Variants in VPS13B observed in about 807,000 individuals in gnomAD.
VPS13B encodes vacuolar protein sorting 13 homolog B.
A neutral mutation model predicts 426.4 loss-of-function variants in VPS13B; 285 were observed. The observed-to-expected ratio is 0.67, with a 90% confidence interval of 0.61 to 0.74. The LOEUF (loss-of-function observed/expected upper bound fraction) is 0.74, where lower values mean the gene tolerates loss of function less well. Among genes scored for constraint, VPS13B ranks in the 30% least tolerant of loss-of-function variants. VPS13B has a pLI of 0.00. For synonymous variants in VPS13B, 1,676 were observed against 1,676.4 expected (o/e 1.00, Z 0.01); for missense variants, 4,537 against 4,782.6 (o/e 0.95, Z 1.51).
chr8:99,574,399 TC>T (rs1439156842), intron 31 of VPS13B, among the ~76,000 whole-genome samples: 1 of 152,164 alleles, frequency 6.6e-6, no homozygotes, highest in African/African-American at 2.4e-5. Context: ...AGGGAATGCT[TC>T]CAGTTTTTGC....
intron 30 of VPS13B, among the ~76,000 whole-genome samples, chr8:99,535,028 T>C (rs1030029274): frequency 6.6e-6 from 1 of 152,164 alleles, no homozygotes; most frequent in Non-Finnish European, 1.5e-5. Flanking sequence ...TTTTACCCTT[T>C]GTTGACTAGT....
chr8:99,815,202 G>T (rs1045400494), intron 44 of VPS13B, among the ~76,000 whole-genome samples: 1 of 151,986 alleles, frequency 6.6e-6, no homozygotes, highest in African/African-American at 2.4e-5. Flanking sequence ...TCTTAGAGAA[G>T]TCCCAAGATC....
At chr8:99,760,342 G>T (rs184362585) in intron 39 of VPS13B, among the ~76,000 whole-genome samples, 1 of 152,088 alleles carries the variant, frequency 6.6e-6, no homozygotes, top group African/African-American at 2.4e-5. Flanking sequence ...ATACAAATTT[G>T]ACATCACTTC....
rs1436247560 is a variant in VPS13B, at chr8:99,875,386, G to A, written c.11746-32G>A. The A allele has an allele frequency of 2.2e-5, 36 of 1,613,984 alleles. No homozygotes were observed. In the Middle Eastern group the frequency reaches 5.0e-4, roughly 23 times the overall value. On this transcript the variant is annotated intron_variant, in intron 61 of 61. Transcript: ENST00000357162. ...TGTTCTGGAACTCTCGTAAGGGTCT[G>A]GCAACTAATCTTTATTATTTTTGGA...
chr8:99,832,341 A>ATGTTTTTTTTTTTT, intron 51 of VPS13B, 28 bp from the exon 52 acceptor site: 1 of 1,192,552 alleles, frequency 8.4e-7, no homozygotes, highest in Non-Finnish European at 1.1e-6. Context: ...TGCTCTCTGC[A>ATGTTTTTTTTTTTT]TTTTTTTTTT....
chr8:99,406,382 G>A (rs141961398), intron 21 of VPS13B, among the ~76,000 whole-genome samples: 2 of 151,976 alleles, frequency 1.3e-5, no homozygotes, highest in East Asian at 1.9e-4. Context: ...TTTGTTTCTC[G>A]TTATTTTTAT....
At chr8:99,754,118 T>C (rs1041726496) in intron 39 of VPS13B, among the ~76,000 whole-genome samples, 14 of 150,758 alleles carry the variant, frequency 9.3e-5, no homozygotes, top group Non-Finnish European at 1.6e-4. Context: ...ATGACTTCTA[T>C]TAGTTGAAGA....
intron 23 of VPS13B, among the ~76,000 whole-genome samples, chr8:99,443,234 G>C (rs1447007801): frequency 2.0e-5 from 3 of 152,018 alleles, no homozygotes; most frequent in Non-Finnish European, 4.4e-5. Flanking sequence ...GAGTCATAAA[G>C]TAATCTGAAT....
intron 25 of VPS13B, among the ~76,000 whole-genome samples, chr8:99,497,587 T>C (rs1820997334): frequency 6.6e-6 from 1 of 151,942 alleles, no homozygotes; most frequent in Admixed American, 6.6e-5. Context: ...CCTTTTTTAA[T>C]GTCCAGTAAC....
rs267601672 is a variant in VPS13B, at chr8:99,776,923, C to T, written c.7396C>T (p.His2466Tyr). 6 of 1,614,018 alleles carry T rather than the reference C, an allele frequency of 3.7e-6. No individual in the cohort carries two copies. In the South Asian group the frequency reaches 6.6e-5, roughly 18 times the overall value. ...TTTCCAGTTTGCTCACCTGGAATTC[C>T]ATCTTTGTCATCACCTTGACCAACT... ...VSFQFAHLEF[H>Y]LCHHLDQLGT... Residue 2466 changes from histidine (H) to tyrosine (Y), a missense_variant, in exon 41 of 62, where the codon CAT becomes TAT. This residue lies in a region of VPS13B where 4,311 missense variants were observed against 4,474.3 expected (regional missense o/e 0.96). Coordinates refer to ENST00000357162, the MANE Select transcript of VPS13B (RefSeq NM_152564.5).
intron 31 of VPS13B, among the ~76,000 whole-genome samples, chr8:99,573,520 C>T (rs1397568864): frequency 1.3e-5 from 2 of 152,156 alleles, no homozygotes; most frequent in African/African-American, 4.8e-5. Context: ...CTACATATGG[C>T]TAGCCAGTTT....
chr8:99,052,930 T>C (rs996069956), intron 3 of VPS13B, among the ~76,000 whole-genome samples: 2 of 152,194 alleles, frequency 1.3e-5, no homozygotes, highest in South Asian at 4.1e-4. Context: ...CTTTTCTTCT[T>C]TATTACTCTT....
chr8:99,737,207 G>A (rs183115275), intron 39 of VPS13B, among the ~76,000 whole-genome samples: 5 of 125,068 alleles, frequency 4.0e-5, no homozygotes, highest in East Asian at 2.7e-4. Flanking sequence ...TGCAAGCTCC[G>A]CCTCCCGGGT....
At chr8:99,153,592 T>G (rs910306228) in intron 14 of VPS13B, among the ~76,000 whole-genome samples, 7 of 152,216 alleles carry the variant, frequency 4.6e-5, no homozygotes, top group Non-Finnish European at 7.3e-5. Flanking sequence ...AAAGAAATAC[T>G]AATTCTGCCA....
chr8:99,024,804 T>G (rs1219158506), intron 2 of VPS13B, among the ~76,000 whole-genome samples: 1 of 152,194 alleles, frequency 6.6e-6, no homozygotes, highest in Non-Finnish European at 1.5e-5. Context: ...CAAATACAAA[T>G]TTTATCTTTG....
At chr8:99,803,255 T>C (rs1395565832) in intron 43 of VPS13B, among the ~76,000 whole-genome samples, 1 of 152,220 alleles carries the variant, frequency 6.6e-6, no homozygotes, top group Non-Finnish European at 1.5e-5. Context: ...ATGTGTCAGG[T>C]TTCCCTCTAT....
chr8:99,479,685 T>G (rs1199940764), intron 24 of VPS13B, among the ~76,000 whole-genome samples: 1 of 152,218 alleles, frequency 6.6e-6, no homozygotes, highest in East Asian at 1.9e-4. Flanking sequence ...CTTCTTTCAT[T>G]CTGCATAATT....
At chr8:99,476,055 T>C (rs569692035) in intron 24 of VPS13B, among the ~76,000 whole-genome samples, 1 of 152,370 alleles carries the variant, frequency 6.6e-6, no homozygotes, top group Non-Finnish European at 1.5e-5. Context: ...GAAATATTTA[T>C]GAAAATATTT....
intron 35 of VPS13B, among the ~76,000 whole-genome samples, chr8:99,681,357 T>C (rs998437842): frequency 1.3e-5 from 2 of 152,216 alleles, no homozygotes; most frequent in African/African-American, 4.8e-5. Context: ...AGCCACTCTG[T>C]TCACACATTG....
Sources: allele counts gnomAD v4.1 joint callset (sites outside exome capture counted in the v4.1 genomes callset), GRCh38; gene constraint gnomAD v4.1.1; regional missense constraint gnomAD v4.1.1; transcripts MANE v1.5; gene names NCBI Gene and HGNC (gene_info 2026-07-23, HGNC 2026-07-21).